GHR: variants seen among roughly 807,000 people sequenced by gnomAD.
GHR encodes GH receptor.
In GHR, 35 loss-of-function variants were observed where a neutral mutation model predicts 67.1. The observed-to-expected ratio is 0.52, with a 90% CI of 0.40 to 0.69. GHR has a LOEUF of 0.69. GHR is among the 30% of genes least tolerant of loss of function. GHR has a pLI of 0.00. For synonymous variants in GHR, 272 were observed against 269.1 expected (o/e 1.01, Z -0.10); for missense variants, 792 against 764.6 (o/e 1.04, Z -0.42).
At chr5:42,475,817 TTTTCCCCCCTC>T (rs1745279989) in intron 1 of GHR, among the ~76,000 whole-genome samples, 1 of 151,804 alleles carries the variant, frequency 6.6e-6, no homozygotes, top group African/African-American at 2.4e-5. Flanking sequence ...AAATGGAGCT[TTTTCCCCCCTC>T]TTTAGGGTTC....
At chr5:42,646,741 G>A (rs1480612548) in intron 3 of GHR, among the ~76,000 whole-genome samples, 2 of 152,082 alleles carry the variant, frequency 1.3e-5, no homozygotes, top group African/African-American at 2.4e-5. Flanking sequence ...GCTTGGTGAC[G>A]TCCTGCAGCA....
intron 1 of GHR, among the ~76,000 whole-genome samples, chr5:42,477,058 G>C (rs538939306): frequency 8.5e-6 from 1 of 118,004 alleles, no homozygotes; most frequent in Non-Finnish European, 1.6e-5. Context: ...ACAGTCCCCA[G>C]TGTGTGATGT....
intron 2 of GHR, among the ~76,000 whole-genome samples, chr5:42,577,470 A>G (rs968904098): frequency 2.6e-5 from 4 of 152,164 alleles, no homozygotes; most frequent in Non-Finnish European, 4.4e-5. Context: ...AACGAAAGGT[A>G]TTTCTGGCTA....
At chr5:42,535,279 T>C (rs1357891765) in intron 1 of GHR, among the ~76,000 whole-genome samples, 3 of 152,274 alleles carry the variant, frequency 2.0e-5, no homozygotes, top group East Asian at 3.9e-4. Flanking sequence ...CTAGTATTTT[T>C]ATAGTTTCAC....
chr5:42,480,190 A>G (rs1347070664), intron 1 of GHR, among the ~76,000 whole-genome samples: 1 of 152,014 alleles, frequency 6.6e-6, no homozygotes, highest in Non-Finnish European at 1.5e-5. Context: ...CATGTAGTAG[A>G]GCGGTTTTGA....
intron 3 of GHR, among the ~76,000 whole-genome samples, chr5:42,662,232 A>T (rs1302542460): frequency 2.0e-5 from 3 of 152,202 alleles, no homozygotes; most frequent in Non-Finnish European, 2.9e-5. Context: ...CAGGAATTGA[A>T]CTCAGCTCTG....
intron 1 of GHR, among the ~76,000 whole-genome samples, chr5:42,501,711 A>G (rs749911379): frequency 5.9e-5 from 9 of 152,184 alleles, no homozygotes; most frequent in Non-Finnish European, 1.0e-4. Context: ...ACCTGGGGAG[A>G]AAATCTTCCT....
At chr5:42,656,017 T>C (rs1755236895) in intron 3 of GHR, among the ~76,000 whole-genome samples, 1 of 152,202 alleles carries the variant, frequency 6.6e-6, no homozygotes, top group Admixed American at 6.5e-5. Flanking sequence ...CACTTATTTG[T>C]TATACAATTA....
intron 1 of GHR, among the ~76,000 whole-genome samples, chr5:42,555,179 G>A (rs1409660201): frequency 6.6e-6 from 1 of 152,202 alleles, no homozygotes; most frequent in African/African-American, 2.4e-5. Context: ...CCATGTCATG[G>A]AGAGAGCACA....
chr5:42,609,487 T>C (rs1279843420), intron 2 of GHR, among the ~76,000 whole-genome samples: 1 of 152,200 alleles, frequency 6.6e-6, no homozygotes, highest in East Asian at 1.9e-4. Context: ...AAATTCAGTT[T>C]CCTTCCTCTG....
chr5:42,485,513 C>CT (rs1247634510), intron 1 of GHR, among the ~76,000 whole-genome samples: 1 of 152,176 alleles, frequency 6.6e-6, no homozygotes, highest in African/African-American at 2.4e-5. Context: ...AAAATGAGCT[C>CT]TGAAGTTCAA....
intron 1 of GHR, among the ~76,000 whole-genome samples, chr5:42,494,399 A>G (rs926540690): frequency 5.9e-5 from 9 of 151,814 alleles, no homozygotes; most frequent in Admixed American, 2.0e-4. Context: ...TCAGAAACCA[A>G]CTCTCATTAT....
chr5:42,661,889 A>G (rs6893568), intron 3 of GHR, among the ~76,000 whole-genome samples: 3,271 of 152,332 alleles, frequency 0.021, 100 homozygotes, highest in African/African-American at 0.071. Flanking sequence ...ACACAGGCTC[A>G]AAACAAAAGG....
intron 1 of GHR, among the ~76,000 whole-genome samples, chr5:42,508,574 T>G (rs773187139): frequency 1.3e-5 from 2 of 152,092 alleles, no homozygotes; most frequent in Admixed American, 6.5e-5. Flanking sequence ...GGAAGTTTGT[T>G]TGTTTGTTTG....
chr5:42,582,678 T>C (rs1751240568), intron 2 of GHR, among the ~76,000 whole-genome samples: 1 of 152,250 alleles, frequency 6.6e-6, no homozygotes, highest in Non-Finnish European at 1.5e-5. Flanking sequence ...ACAGAAGAGC[T>C]ACAGCCCTTT....
At chr5:42,615,862 G>A (rs1039097830) in intron 2 of GHR, among the ~76,000 whole-genome samples, 2 of 152,012 alleles carry the variant, frequency 1.3e-5, no homozygotes, top group Admixed American at 1.3e-4. Context: ...TGTTCGCAGA[G>A]GGAAAACAAT....
At position 42,499,607 on chromosome 5, in the gene GHR, C is replaced by T. The variant is rs539402095; in HGVS notation, c.-11-66257C>T. ...TTCACTCCAGGCACAGGCACAGAGC[C>T]GCAAGAGTAGAAAACAAGAATTCCA... is the stretch of plus-strand genomic sequence containing the variant. On this transcript the variant is annotated intron_variant, in intron 1 of 9. Coordinates refer to ENST00000230882, the MANE Select transcript of GHR (RefSeq NM_000163.5). Among the ~76,000 whole-genome samples, 179 of 152,194 alleles carry T rather than the reference C, an allele frequency of 1.2e-3. No individual in the cohort carries two copies. In the Middle Eastern group the frequency reaches 0.02, roughly 17 times the overall value.
intron 2 of GHR, among the ~76,000 whole-genome samples, chr5:42,613,736 CT>C (rs1752999025): frequency 6.6e-6 from 1 of 151,918 alleles, no homozygotes; most frequent in East Asian, 1.9e-4. Context: ...TAAGGTAATC[CT>C]TTTTTCTTCT....
intron 1 of GHR, among the ~76,000 whole-genome samples, chr5:42,503,956 G>C (rs898650034): frequency 6.6e-6 from 1 of 152,148 alleles, no homozygotes; most frequent in Non-Finnish European, 1.5e-5. Context: ...AAAGAAAAGA[G>C]GGGAGCTTTG....
Sources: allele counts gnomAD v4.1 joint callset (sites outside exome capture counted in the v4.1 genomes callset), GRCh38; gene constraint gnomAD v4.1.1; transcripts MANE v1.5; gene names NCBI Gene and HGNC (gene_info 2026-07-23, HGNC 2026-07-21).